Variants in DCDC2 observed in about 807,000 individuals in gnomAD.
The protein encoded by DCDC2 is doublecortin domain-containing protein 2.
In DCDC2, 40 loss-of-function variants were observed where a neutral mutation model predicts 50.2. That is an observed-to-expected ratio of 0.80 (90% confidence interval 0.62 to 1.04). DCDC2 has a LOEUF of 1.04. Ranked by LOEUF, DCDC2 falls within the 50% of genes least tolerant of loss-of-function variation. The pLI is 0.00. For synonymous variants in DCDC2, 234 were observed against 210.6 expected (o/e 1.11, Z -0.96); for missense variants, 570 against 581.9 (o/e 0.98, Z 0.21).
intron 7 of DCDC2, among the ~76,000 whole-genome samples, chr6:24,216,618 ACAGT>A (rs1376245752): frequency 3.9e-5 from 6 of 152,258 alleles, no homozygotes; most frequent in Non-Finnish European, 1.5e-5. Context: ...GGCCATCAAG[ACAGT>A]CAGGGATGAA....
chr6:24,212,950 T>C (rs1761902092), intron 7 of DCDC2, among the ~76,000 whole-genome samples: 1 of 152,220 alleles, frequency 6.6e-6, no homozygotes, highest in East Asian at 1.9e-4. Context: ...TTAGCTTTTC[T>C]GCAACTAGGA....
the DCDC2 span, among the ~76,000 whole-genome samples, chr6:24,374,641 T>A: frequency 6.8e-6 from 1 of 147,702 alleles, no homozygotes; most frequent in Non-Finnish European, 1.5e-5. Context: ...GAGCTGGGCC[T>A]TAAGAGTTGA....
intron 2 of DCDC2, among the ~76,000 whole-genome samples, chr6:24,330,914 G>A (rs1759953793): frequency 6.6e-6 from 1 of 152,140 alleles, no homozygotes; most frequent in Non-Finnish European, 1.5e-5. Context: ...ATCGTTTATA[G>A]ATGAATTATA....
At chr6:24,213,338 A>C (rs921214994) in intron 7 of DCDC2, among the ~76,000 whole-genome samples, 4 of 152,166 alleles carry the variant, frequency 2.6e-5, no homozygotes, top group African/African-American at 9.7e-5. Flanking sequence ...AAAAATGTTG[A>C]ATGAACTTTA....
At position 24,357,912 on chromosome 6, in the gene DCDC2, G is replaced by T. The variant is rs367693946; in HGVS notation, c.-162C>A. On this transcript the variant is annotated 5_prime_UTR_variant, in exon 1 of 10. Coordinates refer to ENST00000378454, the MANE Select transcript of DCDC2 (RefSeq NM_016356.5). ...AGAAGTAACGGCCGTGCGCCTAGGC[G>T]TCCACCCAGAGGAGACACTAGGAGC... 2.4e-4 allele frequency: 366 copies of T among 1,532,732 alleles called. No individual in the cohort carries two copies. The Middle Eastern group carries it at 3.2e-3, about 13-fold the overall frequency. 94.9% of individuals were successfully genotyped at this position (1,532,732 alleles called of 1,614,324 possible).
intron 2 of DCDC2, among the ~76,000 whole-genome samples, chr6:24,313,535 A>G (rs1436537927): frequency 6.6e-6 from 1 of 152,160 alleles, no homozygotes. Context: ...TAGGCAGTGG[A>G]ATGTAAATTT....
chr6:24,369,140 A>AAAAAAAAAAAC, the DCDC2 span, among the ~76,000 whole-genome samples: 511 of 151,028 alleles, frequency 3.4e-3, 9 homozygotes, highest in African/African-American at 0.011. Flanking sequence ...TCTCAAAAAA[A>AAAAAAAAAAAC]AAAAAAAAAA....
chr6:24,322,272 A>C (rs1390246433), intron 2 of DCDC2, among the ~76,000 whole-genome samples: 1 of 152,152 alleles, frequency 6.6e-6, no homozygotes, highest in East Asian at 1.9e-4. Context: ...GGGTCTGGGG[A>C]GTCATAACCT....
chr6:24,246,425 TAATGA>T (rs1306387368), intron 7 of DCDC2, among the ~76,000 whole-genome samples: 1 of 151,400 alleles, frequency 6.6e-6, no homozygotes, highest in East Asian at 1.9e-4. Context: ...GGTATTCACT[TAATGA>T]ACCTCATTGT....
chr6:24,277,548 G>A (rs894501910), intron 7 of DCDC2, among the ~76,000 whole-genome samples: 7 of 152,110 alleles, frequency 4.6e-5, no homozygotes, highest in Non-Finnish European at 5.9e-5. Flanking sequence ...TCACCTGCTA[G>A]TGCAAGATGA....
intron 4 of DCDC2, among the ~76,000 whole-genome samples, chr6:24,299,504 G>T (rs1759327519): frequency 6.6e-6 from 1 of 152,066 alleles, no homozygotes; most frequent in African/African-American, 2.4e-5. Flanking sequence ...TAAAAAAGAG[G>T]TAACTGGTCT....
At chr6:24,208,227 C>T (rs991266367) in intron 7 of DCDC2, among the ~76,000 whole-genome samples, 4 of 152,158 alleles carry the variant, frequency 2.6e-5, no homozygotes, top group African/African-American at 9.7e-5. Context: ...CTACCCTGTC[C>T]CTGGGTGGTG....
intron 6 of DCDC2, among the ~76,000 whole-genome samples, chr6:24,278,944 G>C (rs531268056): frequency 1.3e-5 from 2 of 152,250 alleles, no homozygotes; most frequent in South Asian, 4.1e-4. Context: ...ACTTGTTCCT[G>C]AGGGAGCTGC....
intron 7 of DCDC2, among the ~76,000 whole-genome samples, chr6:24,254,571 C>T (rs1762854969): frequency 6.6e-6 from 1 of 152,098 alleles, no homozygotes; most frequent in Non-Finnish European, 1.5e-5. Context: ...TTATGTAGCA[C>T]ATGGCTGCAT....
intron 3 of DCDC2, 24 bp from the exon 4 acceptor site, chr6:24,301,870 C>A: frequency 6.2e-7 from 1 of 1,614,040 alleles, no homozygotes; most frequent in Non-Finnish European, 8.5e-7. Flanking sequence ...GGCAAACCTT[C>A]TGAAACAGTT....
intron 2 of DCDC2, among the ~76,000 whole-genome samples, chr6:24,342,747 C>T (rs1338027096): frequency 6.6e-6 from 1 of 151,720 alleles, no homozygotes; most frequent in Non-Finnish European, 1.5e-5. Context: ...AATCTTCACA[C>T]AATATCTTAA....
chr6:24,227,531 A>C (rs1461765563), intron 7 of DCDC2, among the ~76,000 whole-genome samples: 1 of 152,218 alleles, frequency 6.6e-6, no homozygotes, highest in Non-Finnish European at 1.5e-5. Flanking sequence ...GAGCACCCTG[A>C]GGGTTAATCA....
the DCDC2 span, among the ~76,000 whole-genome samples, chr6:24,378,731 G>T: frequency 6.6e-6 from 1 of 152,080 alleles, no homozygotes; most frequent in Non-Finnish European, 1.5e-5. Context: ...CAGCTGTCCT[G>T]CAGGCATATA....
intron 8 of DCDC2, among the ~76,000 whole-genome samples, chr6:24,183,099 A>G (rs1249601126): frequency 6.6e-6 from 1 of 151,930 alleles, no homozygotes; most frequent in Non-Finnish European, 1.5e-5. Flanking sequence ...TCAGAATCAT[A>G]GAGCAGAGAG....
Sources: gnomAD v4.1 joint callset for allele counts (sites outside exome capture counted in the v4.1 genomes callset) on GRCh38, gnomAD v4.1.1 for gene constraint, MANE v1.5 for transcripts, NCBI Gene and HGNC (gene_info 2026-07-23, HGNC 2026-07-21) for gene names.